TP73: variants seen among roughly 807,000 people sequenced by gnomAD.
TP73 encodes tumor protein p73.
In TP73, 25 loss-of-function variants were observed where a neutral mutation model predicts 62.5. The observed-to-expected ratio is 0.40, with a 90% CI of 0.29 to 0.56. The LOEUF is 0.56. Among genes scored for constraint, TP73 ranks in the 20% least tolerant of loss-of-function variants. The pLI, the probability that TP73 is intolerant of heterozygous loss-of-function variation, is 0.46. For synonymous variants in TP73, 423 were observed against 377.5 expected, an observed-to-expected ratio of 1.12 and a Z score of -1.40; for missense variants, 754 against 913.3, an observed-to-expected ratio of 0.83 and a Z score of 2.25.
chr1:3,727,440 C>A, intron 7 of TP73, 188 bp from the exon 8 acceptor site: 2 of 1,005,590 alleles, frequency 2.0e-6, no homozygotes, highest in Non-Finnish European at 2.9e-6. Flanking sequence ...GGCGAGGTCT[C>A]AGGGCAGCCT....
rs377121791 is a variant in TP73, at chr1:3,674,569, G to A, written c.-33-7764G>A. Among the ~76,000 whole-genome samples the A allele has an allele frequency of 5.9e-5, 9 of 152,352 alleles. No homozygotes were observed. The East Asian group carries it at 1.5e-3, about 26-fold the overall frequency. On this transcript the variant is annotated intron_variant, in intron 1 of 13. Transcript: ENST00000378295. ...CCTGGCAACCCTGTCTGAAGGACCT[G>A]GCCCCATCGTACCCACAGAGGGAGG...
intron 1 of TP73, among the ~76,000 whole-genome samples, chr1:3,674,827 G>A (rs1645328120): frequency 6.6e-6 from 1 of 152,224 alleles, no homozygotes; most frequent in Admixed American, 6.5e-5. Context: ...ATTCCGCTGG[G>A]CTGCTGCCTG....
At chr1:3,725,747 G>GTAGATGGA (rs1641474632) in intron 6 of TP73, among the ~76,000 whole-genome samples, 1 of 36,668 alleles carries the variant, frequency 2.7e-5, no homozygotes. Flanking sequence ...AAATGGGGGA[G>GTAGATGGA]TGGATGGATG....
intron 1 of TP73, among the ~76,000 whole-genome samples, chr1:3,659,670 G>T (rs901267189): frequency 1.3e-5 from 2 of 151,964 alleles, no homozygotes; most frequent in African/African-American, 4.8e-5. Flanking sequence ...AATAATCTCA[G>T]TAAGATTATT....
At chr1:3,709,059 G>A (rs1639915439) in intron 4 of TP73, among the ~76,000 whole-genome samples, 1 of 152,234 alleles carries the variant, frequency 6.6e-6, no homozygotes, top group East Asian at 1.9e-4. Flanking sequence ...GAGGGCCGAG[G>A]GGCAGGGCGG....
Position 3,730,922 on chromosome 1 carries a change from C to A in TP73, c.1346-5C>A. 2.5e-6 allele frequency: 4 copies of A among 1,598,106 alleles called. No individual in the cohort carries two copies. Among genetic ancestry groups the A allele is most frequent in the Non-Finnish European group, 3.4e-6 (4 of 1,172,644 alleles). Reference sequence around the variant, plus strand: ...CCCTGATGGCCCCACCTGCCTCTCACCCAGGCCCCGGGATGCTCAACAACC... The same window carrying A: ...CCCTGATGGCCCCACCTGCCTCTCAACCAGGCCCCGGGATGCTCAACAACC... On this transcript the variant is annotated splice_polypyrimidine_tract_variant and splice_region_variant and intron_variant, in intron 11 of 13. Coordinates refer to ENST00000378295, the MANE Select transcript of TP73 (RefSeq NM_005427.4).
In TP73 at chr1:3,732,819, G is replaced by A. The variant is rs1268204401; in HGVS notation, c.1651G>A (p.Gly551Ser). Residue 551 changes from glycine (G) to serine (S), a missense_variant, in exon 14 of 14, where the codon GGC (glycine) becomes AGC (serine). By Grantham distance (56) the Gly-to-Ser change is moderately conservative. This residue lies in a region of TP73 where 458 missense variants were observed against 528.7 expected (regional missense o/e 0.87). Transcript: ENST00000378295. ...GCGGGGCCTGCAGGACCTGAAGCAG[G>A]GCCACGACTACAGCACCGCGCAGCA... is the stretch of plus-strand genomic sequence containing the variant. ...IWRGLQDLKQ[G>S]HDYSTAQQLL... 29 of 1,609,430 alleles carry A rather than the reference G, an allele frequency of 1.8e-5. No homozygotes were observed. Among genetic ancestry groups the A allele is most frequent in the Non-Finnish European group, 2.5e-5 (29 of 1,177,488 alleles).
chr1:3,719,228 C>A (rs995845333), intron 4 of TP73, among the ~76,000 whole-genome samples: 11 of 152,148 alleles, frequency 7.2e-5, no homozygotes, highest in African/African-American at 2.4e-4. Flanking sequence ...GTACCTCCAT[C>A]TGCTACACGT....
intron 3 of TP73, among the ~76,000 whole-genome samples, chr1:3,702,014 C>A (rs1028525605): frequency 6.6e-6 from 1 of 152,222 alleles, no homozygotes; most frequent in Non-Finnish European, 1.5e-5. Context: ...AGGATGGTGG[C>A]GTAGGGGCAT....
At chr1:3,658,393 C>T (rs1406288898) in intron 1 of TP73, among the ~76,000 whole-genome samples, 1 of 152,188 alleles carries the variant, frequency 6.6e-6, no homozygotes, top group Admixed American at 6.5e-5. Context: ...GCCATAAAAA[C>T]AGGAGACTCA....
intron 7 of TP73, 132 bp from the exon 8 acceptor site, chr1:3,727,496 C>G (rs553109769): frequency 7.6e-7 from 1 of 1,309,726 alleles, no homozygotes; most frequent in South Asian, 1.4e-5. Flanking sequence ...CACTCGCTGC[C>G]GGCACTGGGT....
At chr1:3,683,006 G>A (rs931297593) in intron 2 of TP73, 54 bp from the exon 3 acceptor site, 2 of 1,565,864 alleles carry the variant, frequency 1.3e-6, no homozygotes, top group African/African-American at 2.7e-5. Flanking sequence ...GGGAGGTATT[G>A]GGGTGACACC....
rs557436909 is a variant in TP73 at position 3,678,448 on chromosome 1, C to T, written c.-33-3885C>T. 3.9e-5 allele frequency among the ~76,000 whole-genome samples: 6 copies of T among 152,316 alleles called. No individual in the cohort carries two copies. In the East Asian group the frequency reaches 5.8e-4, roughly 15 times the overall value. On this transcript the variant is annotated intron_variant, in intron 1 of 13. Coordinates refer to ENST00000378295, the MANE Select transcript of TP73 (RefSeq NM_005427.4). The stretch of plus-strand genomic sequence containing the variant: ...AGTCATCAGCTCAGGTGTGTGAGGC[C>T]GGTTGGGGGAGCCCCTGCCTGGCGC...
At chr1:3,697,620 G>A (rs576464428) in intron 3 of TP73, among the ~76,000 whole-genome samples, 4 of 152,372 alleles carry the variant, frequency 2.6e-5, no homozygotes, top group Non-Finnish European at 4.4e-5. Flanking sequence ...GGCCGGGGTC[G>A]TGTCTCGTGC....
At chr1:3,728,992 A>AAGAGAG (rs3034587) in intron 9 of TP73, among the ~76,000 whole-genome samples, 78,165 of 150,742 alleles carry the variant, frequency 0.52, 23,846 homozygotes, top group Non-Finnish European at 0.71. Context: ...TGTCGAAAGA[A>AAGAGAG]AGAGAGAGAG....
rs1013048481 is a variant in TP73, at chr1:3,727,753, G to A, written c.968G>A (p.Gly323Glu). 8 of 1,545,972 alleles carry A rather than the reference G, an allele frequency of 5.2e-6. No homozygotes were observed. The Admixed American group carries it at 7.9e-5, about 15-fold the overall frequency. Residue 323 changes from glycine to glutamate, a missense_variant, in exon 8 of 14, where the codon GGG (glycine) becomes GAG (glutamate). By Grantham distance (98) the Gly-to-Glu change is moderately conservative (BLOSUM62 -2). Transcript: ENST00000378295. The stretch of plus-strand genomic sequence containing the variant: ...CTGAACGAGAGCTCCGCCAAGAACG[G>A]GGCCGCCAGCAAGCGTGGTGAGCGG... ...QALNESSAKN[G>E]AASKRAFKQS...
At chr1:3,730,201 G>C in intron 11 of TP73, 53 bp downstream of exon 11, 4 of 1,463,140 alleles carry the variant, frequency 2.7e-6, no homozygotes, top group Non-Finnish European at 3.6e-6. Flanking sequence ...GGCCCACTGG[G>C]GGCGCCTAGC....
At chr1:3,690,782 C>T in intron 3 of TP73, 3 of 1,515,360 alleles carry the variant, frequency 2.0e-6, no homozygotes, top group Admixed American at 2.1e-5. Context: ...TGCGGAGCCT[C>T]TCCCGCTCGG....
intron 3 of TP73, among the ~76,000 whole-genome samples, chr1:3,692,855 G>A (rs1321787081): frequency 6.6e-6 from 1 of 152,102 alleles, no homozygotes; most frequent in East Asian, 1.9e-4. Context: ...GGGAGGTGGA[G>A]CCCTGCTGCC....
Sources: gnomAD v4.1 joint callset for allele counts (sites outside exome capture counted in the v4.1 genomes callset) on GRCh38, gnomAD v4.1.1 for gene constraint, gnomAD v4.1.1 regional missense constraint, MANE v1.5 for transcripts, NCBI Gene and HGNC (gene_info 2026-07-23, HGNC 2026-07-21) for gene names.